PLA2G6: variants seen among roughly 807,000 people sequenced by gnomAD.
The protein encoded by PLA2G6 is phospholipase A2 group VI.
A neutral mutation model predicts 83.8 loss-of-function variants in PLA2G6; 62 were observed. That is an observed-to-expected ratio of 0.74 (90% CI 0.60 to 0.91). PLA2G6 has a LOEUF of 0.91. Among genes scored for constraint, PLA2G6 ranks in the 40% least tolerant of loss-of-function variants. The probability of loss-of-function intolerance (pLI) is 0.00; values close to 1 mark genes in which losing one functional copy is unlikely to be tolerated. For synonymous variants in PLA2G6, 417 were observed against 449.8 expected (o/e 0.93, Z 0.92); for missense variants, 944 against 1,102.0 (o/e 0.86, Z 2.03).
Position 38,116,159 on chromosome 22 carries a change from A to G in PLA2G6, c.1795T>C (p.Phe599Leu). The G allele has an allele frequency of 6.2e-7, 1 of 1,613,944 alleles. No homozygotes were observed. The highest frequency in any genetic ancestry group is 8.5e-7 in the Non-Finnish European group (1 of 1,179,912). Reference protein sequence around the residue: ...SDRQPAELHLFRNYDAPETVR... With the variant: ...SDRQPAELHLLRNYDAPETVR... Reference sequence around the variant, plus strand: ...GTTTCTGGAGCATCGTAGTTCCGGAAGAGGTGGAGTTCAGCCGGCTGCCGG... The same window carrying G: ...GTTTCTGGAGCATCGTAGTTCCGGAGGAGGTGGAGTTCAGCCGGCTGCCGG... The change falls in exon 13 of 17, where the codon TTC (phenylalanine) becomes CTC (leucine). Residue 599 changes from phenylalanine (F) to leucine (L), a missense_variant. Transcript: ENST00000332509.
chr22:38,164,745 TC>T (rs1459205403), intron 2 of PLA2G6, among the ~76,000 whole-genome samples: 1 of 152,070 alleles, frequency 6.6e-6, no homozygotes. Flanking sequence ...CCATGCTCAC[TC>T]TAACACGCGT....
At chr22:38,166,596 G>A (rs2090224498) in intron 2 of PLA2G6, among the ~76,000 whole-genome samples, 1 of 152,052 alleles carries the variant, frequency 6.6e-6, no homozygotes, top group African/African-American at 2.4e-5. Flanking sequence ...AGGTATGGTG[G>A]CACGCACCTG....
chr22:38,148,288 A>G (rs2145843546), intron 2 of PLA2G6: 1 of 525,322 alleles, frequency 1.9e-6, no homozygotes. Flanking sequence ...AATAAAGGAA[A>G]GGATAGCGAA....
At chr22:38,126,987 A>G in intron 9 of PLA2G6, 1 of 1,069,076 alleles carries the variant, frequency 9.4e-7, no homozygotes, top group Non-Finnish European at 1.1e-6. Context: ...AGGTCTGGAA[A>G]TCCCAGTGGC....
chr22:38,151,559 T>A (rs6001028), intron 2 of PLA2G6, among the ~76,000 whole-genome samples: 10,752 of 152,114 alleles, frequency 0.071, 866 homozygotes, highest in African/African-American at 0.19. Context: ...TCTCTTCATG[T>A]GGAATGAACA....
rs192274244 is a variant in PLA2G6, at chr22:38,181,333, G to A, written c.-46+331C>T. ...AGAAATGAGTAGAGGCACCACGAAA[G>A]GTGGAGACGGACGTGAAGTGGGGAA... is the stretch of plus-strand genomic sequence containing the variant. On this transcript the variant is annotated intron_variant, in intron 1 of 16. Transcript: ENST00000332509. 4.8e-3 allele frequency among the ~76,000 whole-genome samples: 727 copies of A among 152,318 alleles called. 3 individuals carry two copies. The highest frequency in any genetic ancestry group is 0.017 in the African/African-American group (693 of 41,568).
intron 1 of PLA2G6, among the ~76,000 whole-genome samples, chr22:38,179,421 A>G (rs2145976780): frequency 6.6e-6 from 1 of 152,302 alleles, no homozygotes; most frequent in East Asian, 1.9e-4. Flanking sequence ...AGAGAGTGGG[A>G]GGGACATGTT....
chr22:38,132,399 G>T lies in PLA2G6; in HGVS notation c.1077+432C>A, dbSNP rs546994562. ...GATGCTCACTCGGGCCAGGTACTGC[G>T]TGTGTCACTTAGACATTCTGTAGAG... On this transcript the variant is annotated intron_variant, in intron 7 of 16. Coordinates refer to ENST00000332509, the MANE Select transcript of PLA2G6 (RefSeq NM_003560.4). This position sits in a 1 kb window ranked among gnomAD's most constrained non-coding sequence, Gnocchi z 5.0. 2 of 323,490 alleles carry T rather than the reference G, an allele frequency of 6.2e-6. No homozygotes were observed. Among genetic ancestry groups the T allele is most frequent in the South Asian group, 5.1e-5 (2 of 38,912 alleles). 20.0% of individuals were successfully genotyped at this position (323,490 alleles called of 1,614,324 possible). A position where few individuals can be genotyped will look rare whatever the true frequency, so the allele number is the denominator to read the frequency against.
At chr22:38,176,465 G>T (rs1045170300) in intron 1 of PLA2G6, among the ~76,000 whole-genome samples, 1 of 152,218 alleles carries the variant, frequency 6.6e-6, no homozygotes, top group African/African-American at 2.4e-5. Context: ...GATGTCCCAT[G>T]ATTGGAACAA....
intron 3 of PLA2G6, chr22:38,144,055 T>G: frequency 6.1e-6 from 1 of 164,594 alleles, no homozygotes; most frequent in South Asian, 1.6e-4. Flanking sequence ...GCAGTGAGGT[T>G]TTGAGTTCTG....
At chr22:38,142,878 C>T (rs774137819) in intron 4 of PLA2G6, 29 of 618,662 alleles carry the variant, frequency 4.7e-5, no homozygotes, top group Non-Finnish European at 6.7e-5. Flanking sequence ...GGTTGGAGGC[C>T]GTCCCCAGGT....
At chr22:38,117,256 T>C (rs1250412014) in intron 12 of PLA2G6, among the ~76,000 whole-genome samples, 1 of 152,150 alleles carries the variant, frequency 6.6e-6, no homozygotes, top group Non-Finnish European at 1.5e-5. Context: ...GCCCAGGCTG[T>C]AGTACAGTGG....
chr22:38,115,722 C>A, intron 13 of PLA2G6, 41 bp from the exon 14 acceptor site: 1 of 1,568,878 alleles, frequency 6.4e-7, no homozygotes, highest in East Asian at 2.3e-5. Context: ...GCACAAGGGA[C>A]TGGCATAAAA....
At chr22:38,175,699 G>A (rs2090606348) in intron 1 of PLA2G6, among the ~76,000 whole-genome samples, 2 of 152,142 alleles carry the variant, frequency 1.3e-5, no homozygotes, top group South Asian at 4.1e-4. Flanking sequence ...CCTGCAGCCT[G>A]GTGTGCCTTC....
chr22:38,115,538 G>T lies in PLA2G6; in HGVS notation c.2023C>A (p.Leu675Met), dbSNP rs1569243238. ...CCTACGGCACTCACCTTGCGGATCA[G>T]GTCCTGATTGTACTCATGGATCTCG... is the stretch of plus-strand genomic sequence containing the variant. Reference protein sequence around the residue: ...MTEIHEYNQDLIRKGQANKVK... With the variant: ...MTEIHEYNQDMIRKGQANKVK... The change falls in exon 14 of 17, where the codon CTG becomes ATG. Residue 675 changes from leucine (L) to methionine (M), a missense_variant. Physicochemically the swap from Leu to Met is conservative, Grantham distance 15. Coordinates refer to ENST00000332509, the MANE Select transcript of PLA2G6 (RefSeq NM_003560.4). The T allele has an allele frequency of 6.2e-7, 1 of 1,613,300 alleles. No homozygotes were observed. The highest frequency in any genetic ancestry group is 1.7e-5 in the Admixed American group (1 of 59,920).
chr22:38,148,913 C>A (rs2089418978), intron 2 of PLA2G6: 1 of 190,462 alleles, frequency 5.3e-6, no homozygotes. Flanking sequence ...GTCACCCAGG[C>A]TGGAGTGCAG....
intron 10 of PLA2G6, among the ~76,000 whole-genome samples, chr22:38,124,628 G>C (rs963372839): frequency 5.3e-5 from 8 of 152,102 alleles, no homozygotes; most frequent in Admixed American, 5.2e-4. Context: ...GGTGGAGGCT[G>C]CTTCCATTCC....
chr22:38,116,358 C>T (rs1029747760), intron 12 of PLA2G6, 147 bp from the exon 13 acceptor site: 8 of 865,446 alleles, frequency 9.2e-6, no homozygotes, highest in East Asian at 2.6e-5. Flanking sequence ...CGCACCATCC[C>T]CGCAAAACAG....
chr22:38,132,702 T>A lies in PLA2G6; in HGVS notation c.1077+129A>T. 1.2e-6 allele frequency: 1 copy of A among 867,860 alleles called. No homozygotes were observed. The highest frequency in any genetic ancestry group is 1.8e-6 in the Non-Finnish European group (1 of 558,652). 53.8% of individuals were successfully genotyped at this position (867,860 alleles called of 1,614,324 possible). On this transcript the variant is annotated intron_variant, in intron 7 of 16. Coordinates refer to ENST00000332509, the MANE Select transcript of PLA2G6 (RefSeq NM_003560.4). This position sits in a 1 kb window ranked among gnomAD's most constrained non-coding sequence, Gnocchi z 5.0. ...AGGAGTCAGGGTCTGAACTGAGCTTTGGGTGGGAAGATGATTTGGAGCAGC... is the reference window on the plus strand; with the variant it reads ...AGGAGTCAGGGTCTGAACTGAGCTTAGGGTGGGAAGATGATTTGGAGCAGC...
Sources: gnomAD v4.1 joint callset for allele counts (sites outside exome capture counted in the v4.1 genomes callset) on GRCh38, gnomAD v4.1.1 for gene constraint, Gnocchi (gnomAD v3.1) non-coding constraint, MANE v1.5 for transcripts, NCBI Gene and HGNC (gene_info 2026-07-23, HGNC 2026-07-21) for gene names.